Variants in MAP4K3 observed in about 807,000 individuals in gnomAD.
MAP4K3 encodes MAPK/ERK kinase kinase kinase 3.
In MAP4K3, 94 loss-of-function variants were observed where a neutral mutation model predicts 143.5. That is an observed-to-expected ratio of 0.65 (90% CI 0.55 to 0.78). The LOEUF is 0.78. Among genes scored for constraint, MAP4K3 ranks in the 30% least tolerant of loss-of-function variants. MAP4K3 has a pLI of 0.00. For missense variants in MAP4K3, 1,077 were observed against 1,068.1 expected (o/e 1.01, Z -0.12); for synonymous variants, 416 against 347.2 (o/e 1.20, Z -2.20).
intron 12 of MAP4K3, 126 bp from the exon 13 acceptor site, chr2:39,315,514 C>T (rs1272643986): frequency 1.2e-5 from 6 of 482,968 alleles, no homozygotes; most frequent in Non-Finnish European, 2.0e-5. Context: ...CAGCACTTTG[C>T]AAATTTTTTT....
intron 12 of MAP4K3, among the ~76,000 whole-genome samples, chr2:39,319,213 T>C (rs1311543136): frequency 6.6e-6 from 1 of 152,018 alleles, no homozygotes; most frequent in African/African-American, 2.4e-5. Context: ...TTCAAGTATA[T>C]ACACTCAATT....
intron 2 of MAP4K3, among the ~76,000 whole-genome samples, chr2:39,377,197 T>C (rs1009408248): frequency 3.0e-5 from 4 of 132,770 alleles, no homozygotes; most frequent in Non-Finnish European, 6.6e-5. Flanking sequence ...ATTGGCTATT[T>C]GGCCTTTTTT....
At chr2:39,428,967 C>A (rs1178573317) in intron 1 of MAP4K3, among the ~76,000 whole-genome samples, 1 of 144,050 alleles carries the variant, frequency 6.9e-6, no homozygotes, top group Non-Finnish European at 1.5e-5. Flanking sequence ...ACTCGGGAGG[C>A]TGAGGCAGAA....
intron 1 of MAP4K3, among the ~76,000 whole-genome samples, chr2:39,414,038 G>A (rs953815339): frequency 2.0e-5 from 3 of 152,124 alleles, no homozygotes; most frequent in Admixed American, 6.5e-5. Context: ...ATCTGCTAGA[G>A]AACATGATTC....
intron 33 of MAP4K3, 142 bp downstream of exon 33, chr2:39,251,688 G>A (rs1035617708): frequency 1.5e-6 from 1 of 656,070 alleles, no homozygotes; most frequent in South Asian, 2.3e-5. Context: ...CTAACTTTCT[G>A]ACCTGTGAAT....
chr2:39,280,531 AG>A (rs1446143090), intron 22 of MAP4K3, among the ~76,000 whole-genome samples, 175 bp from the exon 23 acceptor site: 1 of 152,140 alleles, frequency 6.6e-6, no homozygotes, highest in African/African-American at 2.4e-5. Context: ...TTTGCCTAAC[AG>A]TGGTACCACA....
At chr2:39,284,384 C>T (rs1299213069) in intron 21 of MAP4K3, among the ~76,000 whole-genome samples, 2 of 152,026 alleles carry the variant, frequency 1.3e-5, no homozygotes, top group East Asian at 3.9e-4. Context: ...TGGTTTTGAA[C>T]TCCTGGCCTT....
chr2:39,434,216 T>G (rs1282596354), intron 1 of MAP4K3, among the ~76,000 whole-genome samples: 1 of 152,212 alleles, frequency 6.6e-6, no homozygotes, highest in Non-Finnish European at 1.5e-5. Context: ...TATATTGGCT[T>G]TTGAAAACAA....
chr2:39,337,730 T>C (rs1665008253), intron 4 of MAP4K3, 149 bp from the exon 5 acceptor site: 5 of 334,992 alleles, frequency 1.5e-5, no homozygotes, highest in Non-Finnish European at 2.8e-5. Flanking sequence ...GAATTACTAC[T>C]GTCCTACTGT....
intron 2 of MAP4K3, among the ~76,000 whole-genome samples, chr2:39,365,709 G>A (rs1395256640): frequency 6.6e-6 from 1 of 152,052 alleles, no homozygotes; most frequent in Non-Finnish European, 1.5e-5. Flanking sequence ...CTCCCAAAGT[G>A]CTGGGATTAC....
chr2:39,314,026 A>T (rs1227445783), intron 13 of MAP4K3, among the ~76,000 whole-genome samples: 1 of 152,070 alleles, frequency 6.6e-6, no homozygotes, highest in African/African-American at 2.4e-5. Flanking sequence ...ACTGCAAGTC[A>T]CCTCTAATTA....
At chr2:39,273,741 G>A (rs1681131579) in intron 24 of MAP4K3, among the ~76,000 whole-genome samples, 1 of 152,214 alleles carries the variant, frequency 6.6e-6, no homozygotes, top group Admixed American at 6.5e-5. Flanking sequence ...CAACTAAAAT[G>A]TGGCATTGCC....
At chr2:39,391,358 C>CA (rs755777714) in intron 1 of MAP4K3, among the ~76,000 whole-genome samples, 6,229 of 45,364 alleles carry the variant, frequency 0.14, 1,395 homozygotes, top group African/African-American at 0.38. Flanking sequence ...GACTCCATCT[C>CA]AAAAAAAAAA....
chr2:39,363,599 G>A (rs1275519794), intron 2 of MAP4K3, among the ~76,000 whole-genome samples: 2 of 150,974 alleles, frequency 1.3e-5, no homozygotes, highest in African/African-American at 2.4e-5. Context: ...AACCCAGGAG[G>A]TGGAGGTTGC....
chr2:39,422,186 C>T (rs1340001871), intron 1 of MAP4K3, among the ~76,000 whole-genome samples: 1 of 151,948 alleles, frequency 6.6e-6, no homozygotes, highest in Non-Finnish European at 1.5e-5. Context: ...CATGATCAAA[C>T]TCCTTGAAAA....
chr2:39,257,963 C>T (rs997550041), intron 31 of MAP4K3, among the ~76,000 whole-genome samples: 7 of 152,018 alleles, frequency 4.6e-5, no homozygotes, highest in South Asian at 4.2e-4. Context: ...ACAAGAGTCT[C>T]GTTCCTCACC....
Position 39,331,493 on chromosome 2 carries a change from T to C in MAP4K3, c.530+424A>G, listed in dbSNP as rs565889924. 3.3e-5 allele frequency among the ~76,000 whole-genome samples: 5 copies of C among 152,244 alleles called. No homozygotes were observed. In the South Asian group the frequency reaches 6.2e-4, roughly 19 times the overall value. On this transcript the variant is annotated intron_variant, in intron 8 of 33. Coordinates refer to ENST00000263881, the MANE Select transcript of MAP4K3 (RefSeq NM_003618.4). ...CTGTCAAGAAATCTGCATTTGATCC[T>C]ATAGGCAACCAAGACATGCCAAAAA...
intron 21 of MAP4K3, among the ~76,000 whole-genome samples, chr2:39,283,330 A>G (rs1329215612): frequency 1.3e-5 from 2 of 152,156 alleles, no homozygotes; most frequent in African/African-American, 2.4e-5. Context: ...GCTGATTAGT[A>G]AAAAACCTTT....
chr2:39,428,970 A>T (rs971961253), intron 1 of MAP4K3, among the ~76,000 whole-genome samples: 13 of 142,434 alleles, frequency 9.1e-5, no homozygotes, highest in African/African-American at 3.3e-4. Flanking sequence ...CGGGAGGCTG[A>T]GGCAGAATTG....
Sources: gnomAD v4.1 joint callset for allele counts (sites outside exome capture counted in the v4.1 genomes callset) on GRCh38, gnomAD v4.1.1 for gene constraint, MANE v1.5 for transcripts, NCBI Gene and HGNC (gene_info 2026-07-23, HGNC 2026-07-21) for gene names.